The following RSU1 variants were observed in gnomAD, a reference collection of about 807,000 sequenced individuals.
RSU1 encodes the protein Ras suppressor protein 1, also known as rsu-1.
Under a neutral mutation model 31.1 loss-of-function variants are expected in RSU1, and 26 were observed. The ratio of observed to expected loss-of-function variants is 0.84; its 90% CI spans 0.61 to 1.16. RSU1 has a LOEUF of 1.16. Among genes scored for constraint, RSU1 ranks in the 50% most tolerant of loss-of-function variants. RSU1 has a pLI of 0.00. For synonymous variants in RSU1, 164 were observed against 136.3 expected, an observed-to-expected ratio of 1.20 and a Z score of -1.41; for missense variants, 320 against 339.1, an observed-to-expected ratio of 0.94 and a Z score of 0.44.
At chr10:16,776,407 A>T (rs1162038505) in intron 3 of RSU1, among the ~76,000 whole-genome samples, 2 of 152,158 alleles carry the variant, frequency 1.3e-5, no homozygotes, top group African/African-American at 4.8e-5. Flanking sequence ...TATTGAAACC[A>T]CCAAAGAAGG....
intron 8 of RSU1, among the ~76,000 whole-genome samples, chr10:16,619,572 A>G (rs1834034705): frequency 6.6e-6 from 1 of 152,206 alleles, no homozygotes; most frequent in South Asian, 2.1e-4. Context: ...TCCCTAAGGA[A>G]GTGCCTCGTG....
intron 7 of RSU1, among the ~76,000 whole-genome samples, chr10:16,738,653 T>C (rs1836686452): frequency 6.6e-6 from 1 of 151,910 alleles, no homozygotes; most frequent in South Asian, 2.1e-4. Context: ...AAATTAACAA[T>C]AAAAATGGGG....
Position 16,703,438 on chromosome 10 carries a change from G to A in RSU1, c.599-8283C>T, listed in dbSNP as rs56780445. Among the ~76,000 whole-genome samples, 635 of 152,188 alleles carry A rather than the reference G, an allele frequency of 4.2e-3. 4 individuals are homozygous for A. The highest frequency in any genetic ancestry group is 0.014 in the African/African-American group (577 of 41,518). On this transcript the variant is annotated intron_variant, in intron 7 of 8. Coordinates refer to ENST00000345264, the MANE Select transcript of RSU1 (RefSeq NM_012425.4). ...TGTTTGACCTGGTAATTCCACCCTA[G>A]TAATAAATTTATGCGGAGGAAATAA...
In RSU1 at chr10:16,781,644, C is replaced by T. The variant is rs371726629; in HGVS notation, c.160+390G>A. ...TACTATCTCTGAATGGAACCACTTC[C>T]AGAGCAACAATGTCATTTTTTTTCT... On this transcript the variant is annotated intron_variant, in intron 3 of 8. Coordinates refer to ENST00000345264, the MANE Select transcript of RSU1 (RefSeq NM_012425.4). Among the ~76,000 whole-genome samples the T allele has an allele frequency of 1.9e-4, 29 of 152,260 alleles. No homozygotes were observed. In the East Asian group the frequency reaches 2.3e-3, roughly 12 times the overall value.
At chr10:16,782,884 G>A (rs530776848) in intron 2 of RSU1, among the ~76,000 whole-genome samples, 7 of 89,038 alleles carry the variant, frequency 7.9e-5, no homozygotes, top group African/African-American at 1.5e-4. Flanking sequence ...GCATATACAC[G>A]TGTGTGTGTG....
intron 2 of RSU1, among the ~76,000 whole-genome samples, chr10:16,789,479 C>A (rs1837867791): frequency 6.6e-6 from 1 of 152,202 alleles, no homozygotes; most frequent in Admixed American, 6.5e-5. Flanking sequence ...CAGGCAAAGA[C>A]CAAGTGGAGA....
intron 4 of RSU1, among the ~76,000 whole-genome samples, 159 bp from the exon 5 acceptor site, chr10:16,755,148 G>T (rs1331562030): frequency 1.3e-5 from 2 of 152,022 alleles, no homozygotes; most frequent in Non-Finnish European, 2.9e-5. Context: ...TTGAGACAGG[G>T]TCTTACTCTG....
chr10:16,641,800 C>T (rs1834447652), intron 8 of RSU1, among the ~76,000 whole-genome samples: 1 of 152,190 alleles, frequency 6.6e-6, no homozygotes, highest in Admixed American at 6.5e-5. Context: ...AGCAGACCGA[C>T]TTCCCATCCA....
chr10:16,747,858 C>T (rs1029505492), intron 7 of RSU1, among the ~76,000 whole-genome samples: 11 of 152,132 alleles, frequency 7.2e-5, no homozygotes, highest in Admixed American at 2.0e-4. Context: ...TACAGCAACA[C>T]CCCATCTCCA....
At chr10:16,739,813 G>C (rs1316513628) in intron 7 of RSU1, among the ~76,000 whole-genome samples, 2 of 152,016 alleles carry the variant, frequency 1.3e-5, no homozygotes, top group Non-Finnish European at 2.9e-5. Flanking sequence ...GTTTCTCCAT[G>C]TTGGTCAGGC....
chr10:16,667,059 AC>A (rs1564308296), intron 8 of RSU1, among the ~76,000 whole-genome samples: 1 of 151,992 alleles, frequency 6.6e-6, no homozygotes, highest in East Asian at 1.9e-4. Context: ...ACAACAAAAA[AC>A]AAAGAAAAAA....
intron 3 of RSU1, among the ~76,000 whole-genome samples, chr10:16,766,325 C>T (rs1287203351): frequency 1.3e-5 from 2 of 152,236 alleles, no homozygotes; most frequent in African/African-American, 4.8e-5. Flanking sequence ...CCTACCTGTA[C>T]AGTGTGGCTG....
At chr10:16,737,880 T>C (rs951106546) in intron 7 of RSU1, among the ~76,000 whole-genome samples, 1 of 152,088 alleles carries the variant, frequency 6.6e-6, no homozygotes, top group Non-Finnish European at 1.5e-5. Flanking sequence ...AACTAGAGAA[T>C]ACGCAGGCCC....
At chr10:16,806,778 A>T (rs1354086063) in intron 2 of RSU1, among the ~76,000 whole-genome samples, 4 of 152,152 alleles carry the variant, frequency 2.6e-5, no homozygotes, top group Admixed American at 2.6e-4. Flanking sequence ...ATTTTGAAAG[A>T]GTCTCACTCT....
intron 8 of RSU1, among the ~76,000 whole-genome samples, chr10:16,600,188 A>G (rs1171564088): frequency 6.6e-6 from 1 of 152,128 alleles, no homozygotes; most frequent in Non-Finnish European, 1.5e-5. Context: ...GTGGTGGGAG[A>G]TGAGTGAACC....
intron 8 of RSU1, among the ~76,000 whole-genome samples, chr10:16,629,416 G>A (rs1451088744): frequency 3.3e-5 from 5 of 152,144 alleles, no homozygotes; most frequent in Admixed American, 2.6e-4. Context: ...GGACAGGCAG[G>A]AGGCTCTGAG....
intron 2 of RSU1, among the ~76,000 whole-genome samples, chr10:16,806,305 A>T (rs1243201242): frequency 1.3e-5 from 2 of 152,204 alleles, no homozygotes; most frequent in Non-Finnish European, 1.5e-5. Context: ...TCGCTGAATT[A>T]GCCGTTATCT....
intron 8 of RSU1, among the ~76,000 whole-genome samples, chr10:16,678,906 A>G (rs1338010722): frequency 6.6e-6 from 1 of 152,170 alleles, no homozygotes; most frequent in East Asian, 1.9e-4. Flanking sequence ...GGAAAAAGAG[A>G]AGGCAGACAA....
chr10:16,753,301 T>C (rs1185912442), intron 5 of RSU1, among the ~76,000 whole-genome samples: 1 of 152,238 alleles, frequency 6.6e-6, no homozygotes, highest in Non-Finnish European at 1.5e-5. Context: ...ATACTTCTCA[T>C]AGATTACTTT....
Sources: allele counts gnomAD v4.1 joint callset (sites outside exome capture counted in the v4.1 genomes callset), GRCh38; gene constraint gnomAD v4.1.1; transcripts MANE v1.5; gene names NCBI Gene and HGNC (gene_info 2026-07-23, HGNC 2026-07-21).